Variants in SYT14 observed in about 807,000 individuals in gnomAD.
SYT14 encodes the protein synaptotagmin-14.
A neutral mutation model predicts 74.2 loss-of-function variants in SYT14; 32 were observed. The ratio of observed to expected loss-of-function variants is 0.43; its 90% CI spans 0.33 to 0.58. The LOEUF is 0.58. Among genes scored for constraint, SYT14 ranks in the 20% least tolerant of loss-of-function variants. The pLI is 0.05. For synonymous variants in SYT14, 298 were observed against 337.7 expected (o/e 0.88, Z 1.29); for missense variants, 791 against 981.8 (o/e 0.81, Z 2.60).
At chr1:209,945,149 A>G (rs781020041) in intron 1 of SYT14, among the ~76,000 whole-genome samples, 9 of 152,104 alleles carry the variant, frequency 5.9e-5, no homozygotes, top group Non-Finnish European at 5.9e-5. Flanking sequence ...GCTACTCCCA[A>G]TCCATCAGAA....
At chr1:210,121,551 T>C (rs1473176862) in intron 7 of SYT14, among the ~76,000 whole-genome samples, 1 of 152,134 alleles carries the variant, frequency 6.6e-6, no homozygotes, top group East Asian at 1.9e-4. Context: ...TCCCAGCACT[T>C]TGGGAGGCCA....
rs554305864 is a variant in SYT14, at chr1:209,998,396, G to T, written c.-485-15237G>T. ...TTACACAAAGTGGTCTACACATTCA[G>T]TGCAATCCCTGTCAGAATATCAATG... On this transcript the variant is annotated intron_variant, in intron 2 of 9. Coordinates refer to ENST00000637265, the Ensembl canonical transcript of SYT14. 1.2e-4 allele frequency among the ~76,000 whole-genome samples: 18 copies of T among 152,048 alleles called. No individual in the cohort carries two copies. The South Asian group carries it at 3.5e-3, about 30-fold the overall frequency.
rs538452055 is a variant in SYT14 at position 210,029,390 on chromosome 1, C to T, written c.1312+8136C>T. On this transcript the variant is annotated intron_variant, in intron 5 of 9. Transcript: ENST00000637265. ...TCCCTATGTTTTCTTCTAAGAGTTT[C>T]GTAGTTTTAAGTCTTATCGTTATGA... Among the ~76,000 whole-genome samples, 5 of 152,078 alleles carry T rather than the reference C, an allele frequency of 3.3e-5. No individual in the cohort carries two copies. In the South Asian group the frequency reaches 8.3e-4, roughly 25 times the overall value.
chr1:209,951,225 C>T (rs1366427099), intron 1 of SYT14, among the ~76,000 whole-genome samples: 1 of 152,098 alleles, frequency 6.6e-6, no homozygotes, highest in Non-Finnish European at 1.5e-5. Context: ...TCTAAAACTC[C>T]TCATCTATCT....
At chr1:210,078,310 A>T (rs2081547505) in intron 5 of SYT14, among the ~76,000 whole-genome samples, 1 of 6,982 alleles carries the variant, frequency 1.4e-4, no homozygotes, top group Non-Finnish European at 2.1e-4. Context: ...ACTCCGTCTC[A>T]AAAAAAAAAA....
intron 5 of SYT14, among the ~76,000 whole-genome samples, chr1:210,089,767 G>A (rs961549549): frequency 1.8e-4 from 27 of 152,086 alleles, no homozygotes; most frequent in African/African-American, 6.0e-4. Context: ...CCAGATTCTT[G>A]GTGTTTTGAA....
chr1:210,016,199 G>A (rs1247013464), exon 4 of SYT14: 3 of 1,232,006 alleles, frequency 2.4e-6, no homozygotes, highest in Non-Finnish European at 3.0e-6. Flanking sequence ...AGCAGAAGAA[G>A]CTGTAGACAC....
At chr1:210,162,916 A>G (rs563284564) in exon 10 of SYT14, 11 of 453,084 alleles carry the variant, frequency 2.4e-5, no homozygotes, top group South Asian at 1.2e-4. Context: ...TGTTACATCA[A>G]TGAGCTTTTT....
intron 5 of SYT14, among the ~76,000 whole-genome samples, chr1:210,081,667 T>C (rs2081618027): frequency 6.6e-6 from 1 of 152,152 alleles, no homozygotes; most frequent in Admixed American, 6.5e-5. Flanking sequence ...CAATAAAACA[T>C]GATATGTCTG....
intron 1 of SYT14, among the ~76,000 whole-genome samples, chr1:209,950,292 A>G (rs1438244393): frequency 1.3e-5 from 2 of 152,184 alleles, no homozygotes; most frequent in East Asian, 1.9e-4. Context: ...ATAGGCCTCA[A>G]TATATTAATA....
intron 7 of SYT14, among the ~76,000 whole-genome samples, chr1:210,141,833 C>T (rs1323109588): frequency 6.6e-6 from 1 of 152,222 alleles, no homozygotes; most frequent in South Asian, 2.1e-4. Context: ...CTAGGACCTT[C>T]TCAAGTTTTT....
At chr1:210,138,686 G>A (rs1347057808) in intron 7 of SYT14, among the ~76,000 whole-genome samples, 1 of 152,016 alleles carries the variant, frequency 6.6e-6, no homozygotes, top group Non-Finnish European at 1.5e-5. Flanking sequence ...AAAAAATCAG[G>A]TAGTTTTAAT....
At chr1:210,128,002 C>T (rs1178766509) in intron 7 of SYT14, among the ~76,000 whole-genome samples, 1 of 151,754 alleles carries the variant, frequency 6.6e-6, no homozygotes, top group Non-Finnish European at 1.5e-5. Flanking sequence ...TGCACTCCAG[C>T]CTGGGCAAAA....
At chr1:210,015,465 A>G (rs914579386) in intron 3 of SYT14, among the ~76,000 whole-genome samples, 1 of 152,198 alleles carries the variant, frequency 6.6e-6, no homozygotes, top group Non-Finnish European at 1.5e-5. Flanking sequence ...GTCAATTACA[A>G]TGCCTTGCAT....
chr1:210,072,326 A>G (rs1296283124), intron 5 of SYT14, among the ~76,000 whole-genome samples: 1 of 151,970 alleles, frequency 6.6e-6, no homozygotes, highest in Non-Finnish European at 1.5e-5. Flanking sequence ...ACTCAGAGGC[A>G]TAGAGTGAGC....
chr1:209,987,245 C>T (rs1177128263), intron 2 of SYT14, among the ~76,000 whole-genome samples: 1 of 152,166 alleles, frequency 6.6e-6, no homozygotes, highest in East Asian at 1.9e-4. Context: ...TATAGCAGAG[C>T]CCCACTCCTT....
intron 5 of SYT14, among the ~76,000 whole-genome samples, chr1:210,065,066 A>G (rs969785452): frequency 2.0e-5 from 3 of 152,038 alleles, no homozygotes; most frequent in South Asian, 2.1e-4. Flanking sequence ...CCACTTGTCT[A>G]TCTTCTTCTG....
chr1:210,071,649 G>C (rs1429134728), intron 5 of SYT14, among the ~76,000 whole-genome samples: 1 of 151,918 alleles, frequency 6.6e-6, no homozygotes, highest in Non-Finnish European at 1.5e-5. Context: ...TTCAATTCCT[G>C]ATTTTTTAAA....
chr1:210,130,529 T>A (rs919050921), intron 7 of SYT14, among the ~76,000 whole-genome samples: 2 of 152,214 alleles, frequency 1.3e-5, no homozygotes, highest in Non-Finnish European at 2.9e-5. Context: ...GCTTCACTGG[T>A]CATTTAGGAA....
Sources: allele counts gnomAD v4.1 joint callset (sites outside exome capture counted in the v4.1 genomes callset), GRCh38; gene constraint gnomAD v4.1.1; transcripts MANE v1.5; gene names NCBI Gene and HGNC (gene_info 2026-07-23, HGNC 2026-07-21).